The following YWHAG variants were observed in gnomAD, a reference collection of about 807,000 sequenced individuals.
The protein encoded by YWHAG is tyrosine 3-monooxygenase/tryptophan 5-monooxygenase activation protein gamma, also known as 14-3-3 protein gamma.
Under a neutral mutation model 23.3 loss-of-function variants are expected in YWHAG, and 1 was observed. That is an observed-to-expected ratio of 0.04 (90% confidence interval 0.02 to 0.20). YWHAG has a LOEUF of 0.20. YWHAG is among the 10% of genes least tolerant of loss of function. The pLI, the probability that YWHAG is intolerant of heterozygous loss-of-function variation, is 1.00. For synonymous variants in YWHAG, 160 were observed against 144.0 expected (o/e 1.11, Z -0.80); for missense variants, 151 against 338.6 (o/e 0.45, Z 4.35).
intron 1 of YWHAG, among the ~76,000 whole-genome samples, chr7:76,357,556 T>C (rs1377822089): frequency 1.3e-5 from 2 of 152,146 alleles, no homozygotes; most frequent in African/African-American, 2.4e-5. Context: ...ACTGACAAAA[T>C]GGTGCAATAC....
chr7:76,340,691 A>G (rs763097551), intron 1 of YWHAG, among the ~76,000 whole-genome samples: 3 of 152,182 alleles, frequency 2.0e-5, no homozygotes, highest in Non-Finnish European at 4.4e-5. Context: ...TTAACCAAGG[A>G]GGGAGGCTTT....
intron 1 of YWHAG, among the ~76,000 whole-genome samples, chr7:76,357,706 C>A (rs984467529): frequency 2.0e-5 from 3 of 152,138 alleles, no homozygotes; most frequent in Admixed American, 1.3e-4. Flanking sequence ...AAGACTTTTT[C>A]CCCTTTAAAA....
chr7:76,344,499 T>C (rs905397525), intron 1 of YWHAG, among the ~76,000 whole-genome samples: 3 of 152,184 alleles, frequency 2.0e-5, no homozygotes, highest in African/African-American at 7.2e-5. Context: ...AGCACTCCCA[T>C]GGCTGGCAGT....
At chr7:76,356,281 T>G (rs1045147690) in intron 1 of YWHAG, among the ~76,000 whole-genome samples, 9 of 152,222 alleles carry the variant, frequency 5.9e-5, no homozygotes, top group African/African-American at 2.2e-4. Flanking sequence ...CCGCACAACT[T>G]TTTCAAGTAT....
At chr7:76,347,619 G>A (rs1164918007) in intron 1 of YWHAG, among the ~76,000 whole-genome samples, 3 of 152,002 alleles carry the variant, frequency 2.0e-5, no homozygotes, top group African/African-American at 7.3e-5. Context: ...ACACTCAAAT[G>A]TCTACGAAAA....
At position 76,351,842 on chromosome 7, in the gene YWHAG, A is replaced by G. The variant is rs117934628; in HGVS notation, c.87+6880T>C. Among the ~76,000 whole-genome samples the G allele has an allele frequency of 2.7e-4, 41 of 152,312 alleles. 2 individuals are homozygous for G. In the East Asian group the frequency reaches 7.3e-3, roughly 27 times the overall value. On this transcript the variant is annotated intron_variant, in intron 1 of 1. Transcript: ENST00000307630. ...ACAATGTAGCAATAATAAAGTGCAC[A>G]ATAAATGCAATGTGCTTGATTCATC...
At chr7:76,337,015 T>C (rs987906703) in intron 1 of YWHAG, among the ~76,000 whole-genome samples, 1 of 152,240 alleles carries the variant, frequency 6.6e-6, no homozygotes, top group African/African-American at 2.4e-5. Context: ...CGGTTCTCCT[T>C]CATCACAACT....
At chr7:76,331,872 C>A (rs372770501) in intron 1 of YWHAG, among the ~76,000 whole-genome samples, 2 of 151,808 alleles carry the variant, frequency 1.3e-5, no homozygotes, top group East Asian at 3.9e-4. Context: ...AAATTATAAA[C>A]GGGGGGTATG....
chr7:76,351,594 T>C (rs1402988625), intron 1 of YWHAG, among the ~76,000 whole-genome samples: 1 of 152,222 alleles, frequency 6.6e-6, no homozygotes, highest in East Asian at 1.9e-4. Context: ...CTCCGCCTCC[T>C]GTCAGATCAG....
intron 1 of YWHAG, among the ~76,000 whole-genome samples, chr7:76,345,389 T>C (rs985757917): frequency 2.0e-5 from 3 of 151,964 alleles, no homozygotes; most frequent in Middle Eastern, 3.4e-3. Flanking sequence ...GGTTTCACAA[T>C]GTTAGCCAGG....
chr7:76,340,185 G>A (rs1049579540), intron 1 of YWHAG, among the ~76,000 whole-genome samples: 1 of 152,148 alleles, frequency 6.6e-6, no homozygotes, highest in Non-Finnish European at 1.5e-5. Context: ...CACACATTGT[G>A]CAAGGGGCAA....
intron 1 of YWHAG, among the ~76,000 whole-genome samples, chr7:76,350,302 T>C (rs1392731521): frequency 6.6e-6 from 1 of 152,196 alleles, no homozygotes; most frequent in Non-Finnish European, 1.5e-5. Context: ...TTCTGAAACA[T>C]GTATACATAA....
intron 1 of YWHAG, among the ~76,000 whole-genome samples, chr7:76,353,500 C>T (rs1348989392): frequency 6.6e-6 from 1 of 152,184 alleles, no homozygotes; most frequent in African/African-American, 2.4e-5. Context: ...CGTGAGCCAC[C>T]GTGCCTGACC....
Position 76,329,489 on chromosome 7 carries a change from T to TACCACCCCCCC in YWHAG, c.*87_*88insGGGGGGGTGGT. On this transcript the variant is annotated 3_prime_UTR_variant, in exon 2 of 2. Transcript: ENST00000307630. The surrounding 1 kb of genome is among the most constrained non-coding windows in gnomAD (Gnocchi z 6.1). ...TCCCTGGGAAGGTCATCCCTCCCTT[T>TACCACCCCCCC]CCCTCCCCCACCCGACCCCCAACTC... is the stretch of plus-strand genomic sequence containing the variant. The TACCACCCCCCC allele has an allele frequency of 9.8e-7, 1 of 1,024,228 alleles. No homozygotes were observed. Among genetic ancestry groups the TACCACCCCCCC allele is most frequent in the African/African-American group, 1.7e-5 (1 of 60,110 alleles). The allele number at this position is 1,024,228 out of a possible 1,614,324, so 63.4% of individuals were successfully genotyped here. A position where few individuals can be genotyped will look rare whatever the true frequency, so the allele number is the denominator to read the frequency against.
At position 76,330,208 on chromosome 7, in the gene YWHAG, G is replaced by A. The variant is rs1803522377; in HGVS notation, c.113C>T (p.Ser38Leu). 3.7e-6 allele frequency: 6 copies of A among 1,611,280 alleles called. No individual in the cohort carries two copies. The highest frequency in any genetic ancestry group is 2.2e-5 in the East Asian group (1 of 44,782). Reference sequence around the variant, plus strand: ...AGACAGAAGGTTTCGTTCCTCATTCGACAGTGGCTCATTCAGCTCTGTCAC... The same window carrying A: ...AGACAGAAGGTTTCGTTCCTCATTCAACAGTGGCTCATTCAGCTCTGTCAC... ...KNVTELNEPLSNEERNLLSVA... is the reference protein window; with the variant it reads ...KNVTELNEPLLNEERNLLSVA... Residue 38 changes from serine to leucine, a missense_variant, in exon 2 of 2, where the codon TCG becomes TTG. Ser to Leu is a moderately radical substitution (Grantham distance 145). Coordinates refer to ENST00000307630, the MANE Select transcript of YWHAG (RefSeq NM_012479.4).
chr7:76,329,565 T>TC lies in YWHAG; in HGVS notation c.*11dup, dbSNP rs1803511167. 2 of 1,591,118 alleles carry TC rather than the reference T, an allele frequency of 1.3e-6. No individual in the cohort carries two copies. Among genetic ancestry groups the TC allele is most frequent in the Non-Finnish European group, 1.7e-6 (2 of 1,165,760 alleles). On this transcript the variant is annotated 3_prime_UTR_variant, in exon 2 of 2. Transcript: ENST00000307630. The surrounding 1 kb of genome is among the most constrained non-coding windows in gnomAD (Gnocchi z 6.1). ...AGTAGCATCCGCGTGCGCTGCCAGT[T>TC]CCCCTGGGGCCTTAATTGTTGCCTT...
intron 1 of YWHAG, among the ~76,000 whole-genome samples, chr7:76,357,636 G>C (rs960816966): frequency 2.6e-5 from 4 of 152,114 alleles, no homozygotes; most frequent in African/African-American, 9.7e-5. Flanking sequence ...TCAGCATGAA[G>C]ATGTACTCGC....
chr7:76,345,718 G>A (rs1027400923), intron 1 of YWHAG, among the ~76,000 whole-genome samples: 3 of 151,914 alleles, frequency 2.0e-5, no homozygotes, highest in Non-Finnish European at 4.4e-5. Context: ...CGAAGTGGCC[G>A]GATCATGAGG....
chr7:76,346,220 C>T (rs1351792306), intron 1 of YWHAG, among the ~76,000 whole-genome samples: 1 of 152,166 alleles, frequency 6.6e-6, no homozygotes, highest in Non-Finnish European at 1.5e-5. Context: ...GGCTCTCCTC[C>T]CCTTGTCAGC....
Sources: gnomAD v4.1 joint callset for allele counts (sites outside exome capture counted in the v4.1 genomes callset) on GRCh38, gnomAD v4.1.1 for gene constraint, Gnocchi (gnomAD v3.1) non-coding constraint, MANE v1.5 for transcripts, NCBI Gene and HGNC (gene_info 2026-07-23, HGNC 2026-07-21) for gene names.